The following WWP1 variants were observed in gnomAD, a reference collection of about 807,000 sequenced individuals.
WWP1 encodes NEDD4-like E3 ubiquitin-protein ligase WWP1.
A neutral mutation model predicts 130.6 loss-of-function variants in WWP1; 49 were observed. The ratio of observed to expected loss-of-function variants is 0.38; its 90% CI spans 0.30 to 0.48. The LOEUF (loss-of-function observed/expected upper bound fraction) is 0.48, where lower values mean the gene tolerates loss of function less well. Ranked by LOEUF, WWP1 falls within the 20% of genes least tolerant of loss-of-function variation. The pLI is 0.99. For synonymous variants in WWP1, 332 were observed against 367.8 expected (o/e 0.90, Z 1.11); for missense variants, 809 against 1,100.6 (o/e 0.74, Z 3.75).
intron 5 of WWP1, among the ~76,000 whole-genome samples, chr8:86,392,052 G>A (rs1014079246): frequency 2.0e-5 from 3 of 152,204 alleles, no homozygotes; most frequent in South Asian, 4.1e-4. Context: ...TCTCAGGCAG[G>A]TGCTTTAAGG....
chr8:86,379,215 G>A (rs1824844494), intron 3 of WWP1, among the ~76,000 whole-genome samples: 1 of 152,148 alleles, frequency 6.6e-6, no homozygotes, highest in African/African-American at 2.4e-5. Context: ...CAGTGGCGCT[G>A]AACTTAGAGC....
chr8:86,398,842 C>T (rs900104668), intron 7 of WWP1, among the ~76,000 whole-genome samples: 1 of 152,108 alleles, frequency 6.6e-6, no homozygotes, highest in African/African-American at 2.4e-5. Context: ...TCATGAAATT[C>T]ACTTTTTAAA....
At chr8:86,370,959 G>T (rs1270812893) in intron 2 of WWP1, among the ~76,000 whole-genome samples, 1 of 135,622 alleles carries the variant, frequency 7.4e-6, no homozygotes, top group African/African-American at 2.8e-5. Context: ...TCTGCCTCCC[G>T]GGTTTAAGTA....
chr8:86,381,672 T>G, intron 5 of WWP1, 43 bp downstream of exon 5: 2 of 1,520,254 alleles, frequency 1.3e-6, no homozygotes, highest in East Asian at 2.4e-5. Flanking sequence ...TAAGTTTATT[T>G]TAGACACTTT....
At chr8:86,348,248 C>A (rs1057365587) in intron 1 of WWP1, among the ~76,000 whole-genome samples, 1 of 151,036 alleles carries the variant, frequency 6.6e-6, no homozygotes, top group South Asian at 2.1e-4. Flanking sequence ...GACGGAGTTT[C>A]CCTCTTGCTG....
chr8:86,456,104 T>G (rs1468084400), intron 21 of WWP1, among the ~76,000 whole-genome samples: 2 of 152,002 alleles, frequency 1.3e-5, no homozygotes, highest in African/African-American at 4.8e-5. Flanking sequence ...TATTTAAAAT[T>G]AACTTTGACC....
chr8:86,351,702 A>G (rs150333919), intron 1 of WWP1, among the ~76,000 whole-genome samples: 18 of 152,288 alleles, frequency 1.2e-4, no homozygotes, highest in African/African-American at 4.3e-4. Context: ...GGCTGGCAAT[A>G]TATCAGCTAG....
intron 5 of WWP1, among the ~76,000 whole-genome samples, chr8:86,395,099 A>T (rs1807581720): frequency 6.6e-6 from 1 of 152,146 alleles, no homozygotes; most frequent in African/African-American, 2.4e-5. Flanking sequence ...TCTAGTCTAC[A>T]CTCTTGGGCG....
rs1165841649 is a variant in WWP1, at chr8:86,438,444, C to T, written c.1750-141C>T. ...GTCTTCATCTAGTTTGTGAAAGAAA[C>T]CAATTCATCTCTTGAGTTAAAAGCA... is the stretch of plus-strand genomic sequence containing the variant. On this transcript the variant is annotated intron_variant, in intron 16 of 24. Coordinates refer to ENST00000517970, the MANE Select transcript of WWP1 (RefSeq NM_007013.4). 5.0e-6 allele frequency: 3 copies of T among 603,516 alleles called. No individual in the cohort carries two copies. In the East Asian group the frequency reaches 9.2e-5, roughly 19 times the overall value. The allele number at this position is 603,516 out of a possible 1,614,324, so 37.4% of individuals were successfully genotyped here. A position where few individuals can be genotyped will look rare whatever the true frequency, so the allele number is the denominator to read the frequency against.
intron 17 of WWP1, chr8:86,440,746 T>G (rs1810549573): frequency 2.3e-6 from 1 of 440,378 alleles, no homozygotes; most frequent in African/African-American, 2.1e-5. Flanking sequence ...ATGTGGAATC[T>G]CCTTTGTCAG....
intron 5 of WWP1, among the ~76,000 whole-genome samples, chr8:86,392,933 A>G (rs1475105932): frequency 6.6e-6 from 1 of 152,212 alleles, no homozygotes; most frequent in Non-Finnish European, 1.5e-5. Flanking sequence ...GAAAAGTTCT[A>G]CTAATTTATA....
chr8:86,443,049 A>C (rs1252644765), intron 18 of WWP1, among the ~76,000 whole-genome samples: 1 of 152,024 alleles, frequency 6.6e-6, no homozygotes, highest in Non-Finnish European at 1.5e-5. Flanking sequence ...GACTACTTTT[A>C]TTTGTTTATT....
In WWP1 at chr8:86,373,530, T is replaced by C. The variant is rs188890601; in HGVS notation, c.-21-500T>C. Among the ~76,000 whole-genome samples, 262 of 152,296 alleles carry C rather than the reference T, an allele frequency of 1.7e-3. 3 individuals are homozygous for C. The highest frequency in any genetic ancestry group is 3.1e-3 in the Non-Finnish European group (214 of 68,008). On this transcript the variant is annotated intron_variant, in intron 2 of 24. Coordinates refer to ENST00000517970, the MANE Select transcript of WWP1 (RefSeq NM_007013.4). ...TTTTGTCTTGTCTGGATAGAGATTT[T>C]TGTTGTTGTTGAGACAGAGTCTCGC...
chr8:86,442,430 C>T (rs543480150), intron 17 of WWP1, 189 bp from the exon 18 acceptor site: 4 of 423,540 alleles, frequency 9.4e-6, no homozygotes, highest in Middle Eastern at 6.6e-4. Context: ...TTGGCCACAT[C>T]GAAACTAGCA....
intron 4 of WWP1, 114 bp downstream of exon 4, chr8:86,380,978 G>T: frequency 7.8e-7 from 1 of 1,280,696 alleles, no homozygotes. Flanking sequence ...TTAAAGTGTG[G>T]ATCGACAATT....
At chr8:86,395,013 C>T (rs1194822019) in intron 5 of WWP1, among the ~76,000 whole-genome samples, 1 of 147,428 alleles carries the variant, frequency 6.8e-6, no homozygotes, top group African/African-American at 2.5e-5. Context: ...TTAGAATAGT[C>T]TGCCATACCA....
At chr8:86,389,201 G>A (rs928045691) in intron 5 of WWP1, among the ~76,000 whole-genome samples, 3 of 151,288 alleles carry the variant, frequency 2.0e-5, no homozygotes, top group Non-Finnish European at 2.9e-5. Context: ...GGTGTTTCTC[G>A]GAGAGGGGGA....
intron 20 of WWP1, among the ~76,000 whole-genome samples, chr8:86,451,214 TAAAAAAAA>T (rs61141803): frequency 7.1e-4 from 31 of 43,666 alleles, no homozygotes; most frequent in African/African-American, 2.2e-3. Context: ...CCTATGTTAT[TAAAAAAAA>T]AAAAAAAAAA....
At position 86,362,163 on chromosome 8, in the gene WWP1, CATATATATATATATATATATAT is replaced by C. The variant is rs34231831; in HGVS notation, c.-114-6758_-114-6737del. Among the ~76,000 whole-genome samples, 186 of 59,024 alleles carry C rather than the reference CATATATATATATATATATATAT, an allele frequency of 3.2e-3. 8 individuals carry two copies. Among genetic ancestry groups the C allele is most frequent in the African/African-American group, 0.017 (171 of 10,150 alleles). The allele number at this position is 59,024 out of a possible 152,430, so 38.7% of individuals were successfully genotyped here. The stretch of plus-strand genomic sequence containing the variant: ...ATACTAGGCATATATATATACAAGG[CATATATATATATATATATATAT>C]ATATATATATATATATACTGGAAAA... On this transcript the variant is annotated intron_variant, in intron 1 of 24. Coordinates refer to ENST00000517970, the MANE Select transcript of WWP1 (RefSeq NM_007013.4).
Sources: allele counts gnomAD v4.1 joint callset (sites outside exome capture counted in the v4.1 genomes callset), GRCh38; gene constraint gnomAD v4.1.1; transcripts MANE v1.5; gene names NCBI Gene and HGNC (gene_info 2026-07-23, HGNC 2026-07-21).